The following CCDC125 variants were observed in gnomAD, a reference collection of about 807,000 sequenced individuals.
CCDC125 encodes the protein coiled-coil domain containing 125.
A neutral mutation model predicts 57.4 loss-of-function variants in CCDC125; 43 were observed. The observed-to-expected ratio is 0.75, with a 90% CI of 0.59 to 0.97. CCDC125 has a LOEUF of 0.97. CCDC125 is among the 50% of genes least tolerant of loss of function. The pLI is 0.00. For synonymous variants in CCDC125, 187 were observed against 195.2 expected, an observed-to-expected ratio of 0.96 and a Z score of 0.35; for missense variants, 563 against 595.7, an observed-to-expected ratio of 0.95 and a Z score of 0.57.
intron 2 of CCDC125, among the ~76,000 whole-genome samples, chr5:69,315,263 T>A (rs141155280): frequency 6.8e-6 from 1 of 147,508 alleles, no homozygotes. Flanking sequence ...CTCGAAAAAA[T>A]AAAAAAAATA....
At chr5:69,309,839 C>G (rs1757877847) in intron 4 of CCDC125, 1 of 152,296 alleles carries the variant, frequency 6.6e-6, no homozygotes, top group Admixed American at 6.5e-5. Flanking sequence ...AGGGGCGGAG[C>G]TGCCCAAGGC....
intron 3 of CCDC125, chr5:69,313,465 T>C: frequency 8.3e-7 from 1 of 1,206,126 alleles, no homozygotes; most frequent in Non-Finnish European, 1.2e-6. Flanking sequence ...GTAGTTTGCT[T>C]GTAATTCTTG....
chr5:69,302,926 T>C (rs1427785293), intron 7 of CCDC125, among the ~76,000 whole-genome samples: 3 of 152,036 alleles, frequency 2.0e-5, no homozygotes, highest in African/African-American at 7.3e-5. Context: ...TGGGGAGAAA[T>C]TGCTTAATAG....
intron 7 of CCDC125, among the ~76,000 whole-genome samples, chr5:69,302,271 A>G (rs1393886129): frequency 6.6e-6 from 1 of 151,000 alleles, no homozygotes; most frequent in Non-Finnish European, 1.5e-5. Flanking sequence ...AAAATACAAA[A>G]ATTAGCCAGG....
downstream of CCDC125, among the ~76,000 whole-genome samples, chr5:69,278,703 C>CTTTTTT (rs34258569): frequency 5.5e-5 from 6 of 108,126 alleles, 1 homozygote; most frequent in African/African-American, 1.4e-4. Flanking sequence ...TCTCTCTCTC[C>CTTTTTT]TTTTTTTTTT....
chr5:69,285,932 CTG>C (rs1299070703), intron 10 of CCDC125, among the ~76,000 whole-genome samples: 10 of 151,996 alleles, frequency 6.6e-5, no homozygotes, highest in Non-Finnish European at 1.0e-4. Context: ...CACTTACTAA[CTG>C]TATGACCTCG....
chr5:69,277,023 A>C (rs1752221693), downstream of CCDC125: 1 of 1,145,600 alleles, frequency 8.7e-7, no homozygotes, highest in Non-Finnish European at 1.3e-6. Flanking sequence ...GTTGGAATGC[A>C]GTGACTGGTT....
chr5:69,301,172 G>A lies in CCDC125; in HGVS notation c.701-1045C>T, dbSNP rs145966358. Reference sequence around the variant, plus strand: ...TTATTTTTTGTAGAGGAAGAGTCTCGTTATGTTGCCCAGATTGGTCTCAGA... The same window carrying A: ...TTATTTTTTGTAGAGGAAGAGTCTCATTATGTTGCCCAGATTGGTCTCAGA... On this transcript the variant is annotated intron_variant, in intron 7 of 11. Transcript: ENST00000396496. Among the ~76,000 whole-genome samples, 231 of 151,142 alleles carry A rather than the reference G, an allele frequency of 1.5e-3. 1 individual carries two copies. The highest frequency in any genetic ancestry group is 5.2e-3 in the African/African-American group (214 of 41,188).
chr5:69,292,540 AC>A (rs1167531403), intron 9 of CCDC125, among the ~76,000 whole-genome samples, 178 bp from the exon 10 acceptor site: 1 of 152,134 alleles, frequency 6.6e-6, no homozygotes, highest in Non-Finnish European at 1.5e-5. Context: ...GTAGCAACTT[AC>A]TCTGATCCAG....
chr5:69,329,088 C>T (rs1381668204), intron 1 of CCDC125, among the ~76,000 whole-genome samples: 1 of 152,110 alleles, frequency 6.6e-6, no homozygotes, highest in South Asian at 2.1e-4. Flanking sequence ...CCACCACGCC[C>T]GGCCTACCTT....
At chr5:69,287,546 C>CCA (rs1455806222) in intron 10 of CCDC125, among the ~76,000 whole-genome samples, 2 of 151,704 alleles carry the variant, frequency 1.3e-5, no homozygotes, top group Non-Finnish European at 2.9e-5. Flanking sequence ...TACAGGCGTG[C>CCA]CACTGCACCC....
intron 4 of CCDC125, chr5:69,309,849 C>T (rs1757879925): frequency 6.6e-6 from 1 of 152,290 alleles, no homozygotes; most frequent in African/African-American, 2.4e-5. Flanking sequence ...CTGCCCAAGG[C>T]CATGGGAACC....
chr5:69,313,251 T>C, intron 3 of CCDC125: 1 of 528,736 alleles, frequency 1.9e-6, no homozygotes, highest in South Asian at 2.2e-5. Context: ...GGTGAAGGGA[T>C]TGCCCTTCCC....
chr5:69,312,247 C>T (rs1255712009), intron 3 of CCDC125, among the ~76,000 whole-genome samples: 1 of 152,188 alleles, frequency 6.6e-6, no homozygotes, highest in Admixed American at 6.5e-5. Flanking sequence ...TTGCAGCAAG[C>T]ATCAGAAGCT....
chr5:69,303,591 C>G (rs1163058402), intron 7 of CCDC125, among the ~76,000 whole-genome samples: 1 of 152,038 alleles, frequency 6.6e-6, no homozygotes, highest in Non-Finnish European at 1.5e-5. Flanking sequence ...TCTTGAACTC[C>G]TGACCTCAGA....
rs569809477 is a variant in CCDC125, at chr5:69,280,255, G to A, written c.*2474C>T. On this transcript the variant is annotated 3_prime_UTR_variant, in exon 12 of 12. Coordinates refer to ENST00000396496, the MANE Select transcript of CCDC125 (RefSeq NM_176816.5). ...CATTTAAGCAAAGCTATCTTCAGTA[G>A]GGACTTTCCCTTCTAGAGAGCATAC... 1 of 152,294 alleles carries A rather than the reference G, an allele frequency of 6.6e-6. No homozygotes were observed. Among genetic ancestry groups the A allele is most frequent in the East Asian group, 1.9e-4 (1 of 5,184 alleles). 9.4% of individuals were successfully genotyped at this position (152,294 alleles called of 1,614,324 possible).
At chr5:69,319,869 C>A (rs570441861) in intron 2 of CCDC125, among the ~76,000 whole-genome samples, 1 of 152,044 alleles carries the variant, frequency 6.6e-6, no homozygotes, top group South Asian at 2.1e-4. Flanking sequence ...GCCGGTAATC[C>A]CAGCACTTTG....
intron 1 of CCDC125, among the ~76,000 whole-genome samples, chr5:69,331,952 G>T (rs1413596540): frequency 6.6e-6 from 1 of 152,228 alleles, no homozygotes; most frequent in Non-Finnish European, 1.5e-5. Context: ...CAGAGACTTT[G>T]TGTGTCTCGT....
chr5:69,284,899 C>T (rs907542252), intron 11 of CCDC125, among the ~76,000 whole-genome samples: 1 of 152,118 alleles, frequency 6.6e-6, no homozygotes, highest in African/African-American at 2.4e-5. Flanking sequence ...TGAGACCAGC[C>T]TGGCCAACAT....
Sources: allele counts gnomAD v4.1 joint callset (sites outside exome capture counted in the v4.1 genomes callset), GRCh38; gene constraint gnomAD v4.1.1; transcripts MANE v1.5; gene names NCBI Gene and HGNC (gene_info 2026-07-23, HGNC 2026-07-21).